The following FER variants were observed in gnomAD, a reference collection of about 807,000 sequenced individuals.
FER encodes the protein FER tyrosine kinase, also known as tyrosine-protein kinase Fer.
In FER, 63 loss-of-function variants were observed where a neutral mutation model predicts 111.0. The ratio of observed to expected loss-of-function variants is 0.57; its 90% CI spans 0.46 to 0.70. The LOEUF (loss-of-function observed/expected upper bound fraction) is 0.70. FER is among the 30% of genes least tolerant of loss of function. The probability of loss-of-function intolerance (pLI) is 0.00; values close to 1 mark genes in which losing one functional copy is unlikely to be tolerated. For synonymous variants in FER, 327 were observed against 313.9 expected (o/e 1.04, Z -0.44); for missense variants, 914 against 954.0 (o/e 0.96, Z 0.55).
intron 13 of FER, among the ~76,000 whole-genome samples, chr5:108,985,376 G>A (rs772867325): frequency 5.9e-5 from 9 of 151,632 alleles, no homozygotes; most frequent in South Asian, 2.1e-4. Flanking sequence ...TTGTTTTTTC[G>A]TGCATTTAAC....
At chr5:108,868,500 A>G (rs1041873803) in intron 6 of FER, among the ~76,000 whole-genome samples, 2 of 152,140 alleles carry the variant, frequency 1.3e-5, no homozygotes, top group African/African-American at 2.4e-5. Flanking sequence ...CATGTTTATC[A>G]CACACACTGA....
intron 16 of FER, among the ~76,000 whole-genome samples, chr5:109,087,348 T>C (rs1411106513): frequency 6.6e-6 from 1 of 151,814 alleles, no homozygotes; most frequent in Non-Finnish European, 1.5e-5. Context: ...ATGTGCCTTT[T>C]GTAGTTGTTG....
chr5:108,924,842 C>G (rs1266736945), intron 10 of FER: 1 of 1,195,204 alleles, frequency 8.4e-7, no homozygotes, highest in Non-Finnish European at 1.0e-6. Flanking sequence ...CAGACATTAT[C>G]TAAGAGTCCA....
chr5:108,949,593 G>C (rs922885148), intron 11 of FER, among the ~76,000 whole-genome samples: 82 of 151,964 alleles, frequency 5.4e-4, no homozygotes, highest in African/African-American at 1.8e-3. Context: ...TTATATGTTT[G>C]CTGAAATGCT....
intron 17 of FER, among the ~76,000 whole-genome samples, chr5:109,105,258 G>A (rs915617474): frequency 2.3e-4 from 34 of 148,448 alleles, no homozygotes; most frequent in Non-Finnish European, 4.3e-4. Flanking sequence ...GTGTGTGTGT[G>A]TGTGTGTGTG....
At chr5:108,978,966 A>C (rs1379894506) in intron 13 of FER, among the ~76,000 whole-genome samples, 1 of 152,210 alleles carries the variant, frequency 6.6e-6, no homozygotes, top group Non-Finnish European at 1.5e-5. Flanking sequence ...CCTGTAGGTA[A>C]GGAAATAATT....
At chr5:108,873,534 G>A (rs1561544576) in intron 8 of FER, among the ~76,000 whole-genome samples, 1 of 152,184 alleles carries the variant, frequency 6.6e-6, no homozygotes, top group Admixed American at 6.5e-5. Context: ...TGAAGGCTTA[G>A]TAATTATGGC....
chr5:108,945,520 G>T (rs986191271), intron 10 of FER, among the ~76,000 whole-genome samples: 1 of 151,894 alleles, frequency 6.6e-6, no homozygotes, highest in Non-Finnish European at 1.5e-5. Context: ...TGGTAGGATT[G>T]GTGGTAGGTA....
chr5:108,995,413 A>G (rs998426565), intron 13 of FER, among the ~76,000 whole-genome samples: 1 of 151,468 alleles, frequency 6.6e-6, no homozygotes, highest in African/African-American at 2.4e-5. Flanking sequence ...CTATCCCTCT[A>G]CTAGCCCCCC....
intron 17 of FER, 111 bp downstream of exon 17, chr5:109,100,630 G>C: frequency 8.9e-7 from 1 of 1,126,030 alleles, no homozygotes; most frequent in Non-Finnish European, 1.3e-6. Context: ...GTCTTTTCTT[G>C]TTTTCTGTAT....
At chr5:109,134,095 A>G (rs1281632347) in intron 17 of FER, among the ~76,000 whole-genome samples, 1 of 152,126 alleles carries the variant, frequency 6.6e-6, no homozygotes, top group African/African-American at 2.4e-5. Context: ...CTTACTTGAA[A>G]GGATAAAAGA....
intron 10 of FER, among the ~76,000 whole-genome samples, chr5:108,942,738 T>C (rs1756443861): frequency 6.6e-6 from 1 of 152,194 alleles, no homozygotes. Context: ...CAGTATTTCA[T>C]TTACATTATG....
chr5:109,051,425 T>G (rs533640243), intron 16 of FER: 1 of 1,613,180 alleles, frequency 6.2e-7, no homozygotes, highest in Admixed American at 1.7e-5. Flanking sequence ...GCAGCTAGTT[T>G]TTTAGAATTC....
chr5:109,056,220 G>A (rs1773629523), intron 16 of FER, among the ~76,000 whole-genome samples: 1 of 152,172 alleles, frequency 6.6e-6, no homozygotes, highest in South Asian at 2.1e-4. Context: ...CCTCTTCTGG[G>A]TATATGCCCA....
intron 17 of FER, among the ~76,000 whole-genome samples, chr5:109,133,916 A>T (rs930438473): frequency 2.6e-5 from 4 of 152,080 alleles, no homozygotes; most frequent in African/African-American, 9.7e-5. Context: ...TTAATCACAG[A>T]TGTTATTTTT....
At chr5:108,867,441 A>G (rs533384654) in intron 5 of FER, among the ~76,000 whole-genome samples, 1 of 152,218 alleles carries the variant, frequency 6.6e-6, no homozygotes, top group East Asian at 1.9e-4. Context: ...TTGGTTTTAC[A>G]GTTTTATGTG....
chr5:108,931,922 T>C (rs1156500952), intron 10 of FER, among the ~76,000 whole-genome samples: 1 of 152,130 alleles, frequency 6.6e-6, no homozygotes, highest in East Asian at 1.9e-4. Flanking sequence ...TGTTCAAATA[T>C]AGGAGGTAGA....
chr5:109,072,455 C>G (rs1775879169), intron 16 of FER, among the ~76,000 whole-genome samples: 1 of 151,528 alleles, frequency 6.6e-6, no homozygotes, highest in African/African-American at 2.4e-5. Context: ...GGTTTGTTCC[C>G]AGGACTTTGA....
Position 109,043,633 on chromosome 5 carries a change from A to G in FER, c.1714-1047A>G, listed in dbSNP as rs139991492. Among the ~76,000 whole-genome samples the G allele has an allele frequency of 6.6e-5, 10 of 152,312 alleles. No homozygotes were observed. In the East Asian group the frequency reaches 1.9e-3, roughly 29 times the overall value. On this transcript the variant is annotated intron_variant, in intron 14 of 19. Transcript: ENST00000281092. ...AACTCAGTAAGCAAAGTAGGCTTCT[A>G]GTTTAGTTACTTCTTGCTCAACAAT...
Sources: gnomAD v4.1 joint callset for allele counts (sites outside exome capture counted in the v4.1 genomes callset) on GRCh38, gnomAD v4.1.1 for gene constraint, MANE v1.5 for transcripts, NCBI Gene and HGNC (gene_info 2026-07-23, HGNC 2026-07-21) for gene names.